SUSD5: variants seen among roughly 807,000 people sequenced by gnomAD.
The protein encoded by SUSD5 is sushi domain-containing protein 5.
A neutral mutation model predicts 29.5 loss-of-function variants in SUSD5; 33 were observed. The observed-to-expected ratio is 1.12, with a 90% confidence interval of 0.85 to 1.49. The LOEUF (loss-of-function observed/expected upper bound fraction) is 1.49. Ranked by LOEUF, SUSD5 falls within the 40% of genes most tolerant of loss-of-function variation. The pLI is 0.00. For synonymous variants in SUSD5, 308 were observed against 325.3 expected (o/e 0.95, Z 0.57); for missense variants, 776 against 800.6 (o/e 0.97, Z 0.37).
At chr3:33,206,430 T>C (rs368578315) in intron 3 of SUSD5, among the ~76,000 whole-genome samples, 2,248 of 142,056 alleles carry the variant, frequency 0.016, 26 homozygotes, top group Middle Eastern at 0.026. Context: ...TGTGTGTGTG[T>C]GTGTGTGTGT....
rs143375848 is a variant in SUSD5, at chr3:33,200,117, A to T, written c.409+7691T>A. Among the ~76,000 whole-genome samples, 444 of 152,324 alleles carry T rather than the reference A, an allele frequency of 2.9e-3. 2 individuals carry two copies. Among genetic ancestry groups the T allele is most frequent in the East Asian group, 0.028 (145 of 5,190 alleles). On this transcript the variant is annotated intron_variant, in intron 3 of 4. Transcript: ENST00000309558. ...ATCATGAGGGTAGAAACTTCATTGA[A>T]TGGGACTAGTGCCCTTATGAAAGAG...
At chr3:33,199,314 C>A (rs1432384181) in intron 3 of SUSD5, among the ~76,000 whole-genome samples, 1 of 152,060 alleles carries the variant, frequency 6.6e-6, no homozygotes, top group Non-Finnish European at 1.5e-5. Context: ...CGCTCTGTTG[C>A]CCAGGCTGGA....
rs200294822 is a variant in SUSD5, at chr3:33,168,243, C to CT, written c.598+6642dup. The stretch of plus-strand genomic sequence containing the variant: ...TTTCTGGAAGCCCCACACGTACCCT[C>CT]TTTTTTTTTCCCTCTGTTCTTGGCT... On this transcript the variant is annotated intron_variant, in intron 4 of 4. Coordinates refer to ENST00000309558, the MANE Select transcript of SUSD5 (RefSeq NM_015551.2). Among the ~76,000 whole-genome samples, 221 of 151,426 alleles carry CT rather than the reference C, an allele frequency of 1.5e-3. 1 individual carries two copies. The highest frequency in any genetic ancestry group is 0.012 in the East Asian group (61 of 5,166).
rs556646529 is a variant in SUSD5, at chr3:33,208,010, G to A, written c.291-84C>T. On this transcript the variant is annotated intron_variant, in intron 2 of 4. Transcript: ENST00000309558. The stretch of plus-strand genomic sequence containing the variant: ...ATAATTCTCTTCTGCTGTCAGCTCC[G>A]AATCAGCAGAGATTTTTCTGATTCA... 2.7e-5 allele frequency: 26 copies of A among 969,966 alleles called. No individual in the cohort carries two copies. The Admixed American group carries it at 3.5e-4, about 13-fold the overall frequency. 60.1% of individuals were successfully genotyped at this position (969,966 alleles called of 1,614,324 possible).
rs1033872610 is a variant in SUSD5 at position 33,204,470 on chromosome 3, A to G, written c.409+3338T>C. 1.1e-4 allele frequency among the ~76,000 whole-genome samples: 16 copies of G among 151,746 alleles called. No individual in the cohort carries two copies. The highest frequency in any genetic ancestry group is 3.9e-4 in the African/African-American group (16 of 41,210). On this transcript the variant is annotated intron_variant, in intron 3 of 4. Coordinates refer to ENST00000309558, the MANE Select transcript of SUSD5 (RefSeq NM_015551.2). The surrounding 1 kb of genome is among the most constrained non-coding windows in gnomAD (Gnocchi z 4.5). Reference sequence around the variant, plus strand: ...CGAGCAGCTGGGACGACAGGTGCCCACTACCACACCCGGCTAATTTTTTTG... The same window carrying G: ...CGAGCAGCTGGGACGACAGGTGCCCGCTACCACACCCGGCTAATTTTTTTG...
At chr3:33,179,784 CT>C (rs1226200518) in intron 3 of SUSD5, among the ~76,000 whole-genome samples, 1 of 152,212 alleles carries the variant, frequency 6.6e-6, no homozygotes, top group Non-Finnish European at 1.5e-5. Flanking sequence ...TGTAATTTTA[CT>C]GATTTCTACT....
chr3:33,215,514 A>G (rs551543135), intron 1 of SUSD5, among the ~76,000 whole-genome samples: 1 of 152,320 alleles, frequency 6.6e-6, no homozygotes, highest in South Asian at 2.1e-4. Flanking sequence ...TGTTGTTCAA[A>G]TTGCTTTACA....
At chr3:33,194,343 C>G (rs931553844) in intron 3 of SUSD5, among the ~76,000 whole-genome samples, 2 of 152,172 alleles carry the variant, frequency 1.3e-5, no homozygotes, top group Admixed American at 6.5e-5. Flanking sequence ...TAAACTCTTT[C>G]TCTATTGCAA....
At chr3:33,175,600 C>T (rs2031535247) in intron 3 of SUSD5, among the ~76,000 whole-genome samples, 1 of 151,932 alleles carries the variant, frequency 6.6e-6, no homozygotes, top group Admixed American at 6.6e-5. Context: ...TATATATACA[C>T]ACATATATAC....
intron 4 of SUSD5, among the ~76,000 whole-genome samples, chr3:33,163,948 C>A (rs989322391): frequency 1.1e-4 from 17 of 152,044 alleles, no homozygotes; most frequent in African/African-American, 4.1e-4. Flanking sequence ...TGCAGTGAGC[C>A]GAGATCGCAC....
chr3:33,169,981 G>A (rs35717125), intron 4 of SUSD5, among the ~76,000 whole-genome samples: 18 of 151,540 alleles, frequency 1.2e-4, no homozygotes, highest in Non-Finnish European at 2.4e-4. Flanking sequence ...GCAGTGGCAC[G>A]ATCTCAGCTC....
At chr3:33,182,345 T>C (rs2031690138) in intron 3 of SUSD5, among the ~76,000 whole-genome samples, 1 of 152,228 alleles carries the variant, frequency 6.6e-6, no homozygotes, top group Non-Finnish European at 1.5e-5. Flanking sequence ...GCCCAGGATG[T>C]GGTTGATCCT....
chr3:33,182,962 A>ATT (rs34961184), intron 3 of SUSD5, among the ~76,000 whole-genome samples: 3 of 141,046 alleles, frequency 2.1e-5, no homozygotes, highest in Non-Finnish European at 4.7e-5. Flanking sequence ...AATTTTTTGT[A>ATT]TTTTTTTTTT....
At chr3:33,178,514 T>C (rs1224448031) in intron 3 of SUSD5, among the ~76,000 whole-genome samples, 1 of 152,100 alleles carries the variant, frequency 6.6e-6, no homozygotes, top group Non-Finnish European at 1.5e-5. Flanking sequence ...TGGCGTGATT[T>C]TGGCTCACTG....
intron 3 of SUSD5, among the ~76,000 whole-genome samples, chr3:33,186,415 A>T (rs1360593392): frequency 2.0e-5 from 3 of 148,402 alleles, no homozygotes; most frequent in Non-Finnish European, 4.5e-5. Context: ...GTTTGGTAGC[A>T]CTTTCCTTTC....
At chr3:33,161,563 G>A (rs72859143) in intron 4 of SUSD5, among the ~76,000 whole-genome samples, 43,522 of 151,940 alleles carry the variant, frequency 0.29, 7,022 homozygotes, top group East Asian at 0.51. Context: ...TGCTACTATT[G>A]AAAGACAAAA....
intron 3 of SUSD5, among the ~76,000 whole-genome samples, chr3:33,186,846 T>C (rs2031789065): frequency 6.6e-6 from 1 of 152,100 alleles, no homozygotes; most frequent in Non-Finnish European, 1.5e-5. Context: ...TGACCAAAAC[T>C]ACCTTGACTC....
intron 4 of SUSD5, among the ~76,000 whole-genome samples, chr3:33,158,040 T>C (rs538010043): frequency 2.6e-5 from 4 of 152,232 alleles, no homozygotes; most frequent in African/African-American, 9.6e-5. Context: ...TTATCTACTA[T>C]AGGTATTCTT....
chr3:33,169,295 A>G (rs1157486890), intron 4 of SUSD5, among the ~76,000 whole-genome samples: 1 of 152,062 alleles, frequency 6.6e-6, no homozygotes, highest in African/African-American at 2.4e-5. Flanking sequence ...ATCTCAGCTC[A>G]CTGCAACCTC....
Sources: gnomAD v4.1 joint callset for allele counts (sites outside exome capture counted in the v4.1 genomes callset) on GRCh38, gnomAD v4.1.1 for gene constraint, Gnocchi (gnomAD v3.1) non-coding constraint, MANE v1.5 for transcripts, NCBI Gene and HGNC (gene_info 2026-07-23, HGNC 2026-07-21) for gene names.